The following GLIS3 variants were observed in gnomAD, a reference collection of about 807,000 sequenced individuals.
GLIS3 encodes the protein GLIS family zinc finger 3.
GLIS3 carries 53 observed loss-of-function variants against 78.6 expected under a neutral mutation model. That is an observed-to-expected ratio of 0.67 (90% confidence interval 0.54 to 0.85). GLIS3 has a LOEUF of 0.85. Among genes scored for constraint, GLIS3 ranks in the 40% least tolerant of loss-of-function variants. GLIS3 has a pLI of 0.00. For synonymous variants in GLIS3, 684 were observed against 509.9 expected (o/e 1.34, Z -4.60); for missense variants, 1,703 against 1,231.1 (o/e 1.38, Z -5.74).
At chr9:4,311,738 C>G (rs1346468426) in intron 2 of GLIS3, among the ~76,000 whole-genome samples, 1 of 152,114 alleles carries the variant, frequency 6.6e-6, no homozygotes, top group Admixed American at 6.6e-5. Flanking sequence ...ACTGTCTTGT[C>G]CTGGGAGTTT....
chr9:4,334,969 T>C (rs1393538887), intron 2 of GLIS3, among the ~76,000 whole-genome samples: 1 of 135,766 alleles, frequency 7.4e-6, no homozygotes, highest in Non-Finnish European at 1.5e-5. Flanking sequence ...AGTGCAGTGG[T>C]GTGATCTCGG....
chr9:4,203,253 CA>C (rs1819566179), intron 2 of GLIS3, among the ~76,000 whole-genome samples: 1 of 152,132 alleles, frequency 6.6e-6, no homozygotes, highest in African/African-American at 2.4e-5. Context: ...CAGATAAATG[CA>C]ACTCCAAATC....
intron 2 of GLIS3, among the ~76,000 whole-genome samples, chr9:4,196,518 C>A (rs1029200142): frequency 1.3e-5 from 2 of 152,204 alleles, no homozygotes; most frequent in African/African-American, 4.8e-5. Flanking sequence ...AGTTCTGCAG[C>A]TTCACTCCTG....
chr9:3,956,322 TG>T (rs1817109635), intron 4 of GLIS3, among the ~76,000 whole-genome samples: 1 of 152,200 alleles, frequency 6.6e-6, no homozygotes, highest in African/African-American at 2.4e-5. Flanking sequence ...AAACCCAGGC[TG>T]GCTATTAAAA....
chr9:4,306,057 ACAT>A (rs1420772460), intron 4 of GLIS3: 1 of 152,180 alleles, frequency 6.6e-6, no homozygotes, highest in Non-Finnish European at 1.5e-5. Flanking sequence ...TGCTTTTATG[ACAT>A]CATTTTAGTC....
At chr9:4,437,009 T>C in the GLIS3 span, among the ~76,000 whole-genome samples, 17 of 152,060 alleles carry the variant, frequency 1.1e-4, no homozygotes, top group African/African-American at 3.1e-4. Context: ...AGTAGAAGTA[T>C]AGAGAGAAGG....
At chr9:4,260,025 G>C (rs1029425306) in intron 2 of GLIS3, among the ~76,000 whole-genome samples, 2 of 152,170 alleles carry the variant, frequency 1.3e-5, no homozygotes, top group Non-Finnish European at 2.9e-5. Context: ...AACACAGAGG[G>C]AGAAAGGAAA....
At chr9:4,398,383 G>A in the GLIS3 span, among the ~76,000 whole-genome samples, 11 of 152,126 alleles carry the variant, frequency 7.2e-5, no homozygotes, top group East Asian at 2.1e-3. Flanking sequence ...ATCAGAATCT[G>A]CAATTTAAAC....
intron 2 of GLIS3, among the ~76,000 whole-genome samples, chr9:4,284,960 TA>T (rs1403785912): frequency 9.5e-6 from 1 of 105,048 alleles, no homozygotes; most frequent in Non-Finnish European, 2.0e-5. Flanking sequence ...TGTTTAGTGC[TA>T]TTTTTTTTTT....
At chr9:4,058,631 G>A (rs1447800482) in intron 4 of GLIS3, among the ~76,000 whole-genome samples, 3 of 152,090 alleles carry the variant, frequency 2.0e-5, no homozygotes, top group African/African-American at 7.2e-5. Flanking sequence ...TTGGCCAAGA[G>A]CGACATTTGC....
At chr9:4,266,756 A>G (rs1051805150) in intron 2 of GLIS3, among the ~76,000 whole-genome samples, 3 of 152,232 alleles carry the variant, frequency 2.0e-5, no homozygotes, top group Non-Finnish European at 4.4e-5. Context: ...TGCAATTCAA[A>G]GATTAGAAGT....
intron 4 of GLIS3, among the ~76,000 whole-genome samples, chr9:3,940,881 T>C (rs1354626391): frequency 1.3e-5 from 2 of 152,174 alleles, no homozygotes; most frequent in Middle Eastern, 3.2e-3. Context: ...TCTGTGTGCA[T>C]GAAAGCAAGG....
At chr9:4,147,395 T>A (rs1195751725) in intron 2 of GLIS3, 1 of 152,132 alleles carries the variant, frequency 6.6e-6, no homozygotes, top group South Asian at 2.1e-4. Flanking sequence ...CATTTTAAAG[T>A]GTTAGAAGTA....
intron 5 of GLIS3, among the ~76,000 whole-genome samples, chr9:3,935,179 T>C (rs1825822438): frequency 6.6e-6 from 1 of 152,186 alleles, no homozygotes; most frequent in South Asian, 2.1e-4. Flanking sequence ...TAACAAATTC[T>C]TCAAGCAAGT....
At chr9:4,378,277 A>G in the GLIS3 span, among the ~76,000 whole-genome samples, 36 of 152,186 alleles carry the variant, frequency 2.4e-4, no homozygotes, top group Non-Finnish European at 1.5e-5. Context: ...TGCCAGTTAC[A>G]TTTCAGTTTC....
intron 2 of GLIS3, among the ~76,000 whole-genome samples, chr9:4,315,280 T>A (rs1021053693): frequency 6.6e-6 from 1 of 152,168 alleles, no homozygotes; most frequent in African/African-American, 2.4e-5. Context: ...CAACATGATG[T>A]TGAGAGGACA....
At position 3,990,178 on chromosome 9, in the gene GLIS3, C is replaced by T. The variant is rs75828116; in HGVS notation, c.1711-52989G>A. 7.6e-3 allele frequency among the ~76,000 whole-genome samples: 1,150 copies of T among 152,232 alleles called. 18 individuals are homozygous for T. Among genetic ancestry groups the T allele is most frequent in the African/African-American group, 0.027 (1,102 of 41,542 alleles). On this transcript the variant is annotated intron_variant, in intron 4 of 10. Coordinates refer to ENST00000381971, the MANE Select transcript of GLIS3 (RefSeq NM_001042413.2). ...GCCTGCTGTACAATGTGGAAAGAGC[C>T]GAGGGCAAACTGCTTTTTTGCATCA...
chr9:4,286,568 AAAT>A, intron 1 of GLIS3, 45 bp from the exon 2 acceptor site: 1 of 950,384 alleles, frequency 1.1e-6, no homozygotes, highest in Non-Finnish European at 1.6e-6. Context: ...GCAAAAATGA[AAAT>A]AAGATACAGT....
chr9:3,904,181 C>G (rs368119228), intron 6 of GLIS3, among the ~76,000 whole-genome samples: 2 of 152,156 alleles, frequency 1.3e-5, no homozygotes, highest in Non-Finnish European at 1.5e-5. Flanking sequence ...AATCACTCAT[C>G]TAGGTGTGTG....
Sources: allele counts gnomAD v4.1 joint callset (sites outside exome capture counted in the v4.1 genomes callset), GRCh38; gene constraint gnomAD v4.1.1; transcripts MANE v1.5; gene names NCBI Gene and HGNC (gene_info 2026-07-23, HGNC 2026-07-21).